TFEC: variants seen among roughly 807,000 people sequenced by gnomAD.
TFEC encodes the protein class E basic helix-loop-helix protein 34.
TFEC carries 31 observed loss-of-function variants against 41.6 expected under a neutral mutation model. That is an observed-to-expected ratio of 0.74 (90% CI 0.56 to 1.01). The LOEUF is 1.01. Ranked by LOEUF, TFEC falls within the 50% of genes least tolerant of loss-of-function variation. The pLI is 0.00. For missense variants in TFEC, 402 were observed against 404.1 expected (o/e 0.99, Z 0.04); for synonymous variants, 143 against 140.6 (o/e 1.02, Z -0.12).
chr7:116,047,971 A>T (rs551092328), intron 3 of TFEC, among the ~76,000 whole-genome samples: 4 of 152,148 alleles, frequency 2.6e-5, no homozygotes, highest in Non-Finnish European at 5.9e-5. Flanking sequence ...CCGCACCAAA[A>T]CCCCATCAGT....
intron 1 of TFEC, 96 bp from the exon 2 acceptor site, chr7:115,984,609 C>T: frequency 2.9e-6 from 4 of 1,387,482 alleles, no homozygotes; most frequent in Non-Finnish European, 3.9e-6. Context: ...AAACACACTA[C>T]ACTATAGCAT....
At chr7:116,141,320 TAATA>T (rs1166306542) in intron 1 of TFEC, among the ~76,000 whole-genome samples, 4 of 148,042 alleles carry the variant, frequency 2.7e-5, no homozygotes, top group Middle Eastern at 3.4e-3. Context: ...ATGTCATAAA[TAATA>T]AATAATCTTT....
intron 3 of TFEC, among the ~76,000 whole-genome samples, chr7:116,103,398 A>C (rs536877730): frequency 1.3e-5 from 2 of 152,312 alleles, no homozygotes; most frequent in Non-Finnish European, 2.9e-5. Context: ...GGTCTCAAAA[A>C]AGTTGTGAAA....
upstream of TFEC, among the ~76,000 whole-genome samples, chr7:116,032,074 T>C (rs1437068975): frequency 1.3e-5 from 2 of 152,174 alleles, no homozygotes; most frequent in East Asian, 1.9e-4. Context: ...ATGAAATACA[T>C]TTGCGAGCTT....
intron 1 of TFEC, among the ~76,000 whole-genome samples, chr7:116,147,954 C>G (rs920643876): frequency 1.3e-5 from 2 of 152,016 alleles, no homozygotes; most frequent in Admixed American, 6.6e-5. Context: ...AATAATAACT[C>G]TAATAAATAA....
At chr7:115,954,217 AC>A in intron 5 of TFEC, among the ~76,000 whole-genome samples, 1 of 152,104 alleles carries the variant, frequency 6.6e-6, no homozygotes, top group East Asian at 1.9e-4. Context: ...AAAAATGAGA[AC>A]CTGGAGTTAT....
intron 1 of TFEC, among the ~76,000 whole-genome samples, chr7:116,000,614 T>A (rs1794554209): frequency 6.6e-6 from 1 of 152,094 alleles, no homozygotes; most frequent in Non-Finnish European, 1.5e-5. Context: ...AGAATCAACA[T>A]ACAAAAATCA....
chr7:115,937,400 G>T lies in TFEC; in HGVS notation c.*3151C>A, dbSNP rs1265848397. ...TCTCATTTCTGCAAGAAATATTCTAGAGAGTCAAATTTTTCTAGAAGTCTA... is the reference window on the plus strand; with the variant it reads ...TCTCATTTCTGCAAGAAATATTCTATAGAGTCAAATTTTTCTAGAAGTCTA... On this transcript the variant is annotated 3_prime_UTR_variant, in exon 8 of 8. Coordinates refer to ENST00000265440, the MANE Select transcript of TFEC (RefSeq NM_012252.4). The T allele has an allele frequency of 1.3e-5, 2 of 151,632 alleles. No individual in the cohort carries two copies. Among genetic ancestry groups the T allele is most frequent in the Non-Finnish European group, 3.0e-5 (2 of 67,702 alleles). 9.4% of individuals were successfully genotyped at this position (151,632 alleles called of 1,614,324 possible). A position where few individuals can be genotyped will look rare whatever the true frequency, so the allele number is the denominator to read the frequency against.
At position 116,064,801 on chromosome 7, in the gene TFEC, A is replaced by G. The variant is rs141232175; in HGVS notation, c.198+45907T>C. On this transcript the variant is annotated intron_variant, in intron 3 of 8. Transcript: ENST00000484212. The stretch of plus-strand genomic sequence containing the variant: ...AAGAAAGCACCATGGAAAATCAAGG[A>G]GTTCTGGGCCTTAAAGCAAAAAAGT... 2.8e-3 allele frequency among the ~76,000 whole-genome samples: 429 copies of G among 152,310 alleles called. 8 individuals are homozygous for G. Among genetic ancestry groups the G allele is most frequent in the Admixed American group, 0.026 (398 of 15,282 alleles).
At chr7:116,140,135 T>C (rs556944419) in intron 1 of TFEC, among the ~76,000 whole-genome samples, 15 of 152,192 alleles carry the variant, frequency 9.9e-5, no homozygotes, top group Non-Finnish European at 2.1e-4. Context: ...AATCCATTCA[T>C]TGGCTATTAA....
At position 115,940,673 on chromosome 7, in the gene TFEC, G is replaced by A. The variant is rs1370536704; in HGVS notation, c.922C>T (p.Leu308=). The A allele has an allele frequency of 1.9e-6, 3 of 1,613,556 alleles. No individual in the cohort carries two copies. Among genetic ancestry groups the A allele is most frequent in the Non-Finnish European group, 2.5e-6 (3 of 1,179,644 alleles). Residue 308 remains leucine, a synonymous_variant, in exon 8 of 8, where the codon CTA becomes TTA. Coordinates refer to ENST00000265440, the MANE Select transcript of TFEC (RefSeq NM_012252.4). The part of the protein sequence containing the change: ...LKEEQRLDGM[L]LDDTISPFGT... Reference sequence around the variant, plus strand: ...AATGGAGAGATTGTGTCATCCAATAGCATGCCATCCAATCTTTGTTCCTCT... The same window carrying A: ...AATGGAGAGATTGTGTCATCCAATAACATGCCATCCAATCTTTGTTCCTCT...
chr7:116,148,743 C>T (rs1260648763), intron 1 of TFEC, among the ~76,000 whole-genome samples: 1 of 152,124 alleles, frequency 6.6e-6, no homozygotes, highest in Non-Finnish European at 1.5e-5. Flanking sequence ...ATCTATTAGA[C>T]ATCAGTGTGT....
At position 115,956,724 on chromosome 7, in the gene TFEC, T is replaced by A. The variant is rs1475254653; in HGVS notation, c.337A>T (p.Ser113Cys). ...GISPINMGLT[S>C]ASCPSSLPMK... ...GGTAGACTACTTGGACAAGAAGCAC[T>A]TGTAAGCCCCATGTTAATTGGTGAA... The change falls in exon 4 of 8, where the codon AGT becomes TGT. Residue 113 changes from serine to cysteine, a missense_variant. Physicochemically the swap from Ser to Cys is moderately radical, Grantham distance 112. Transcript: ENST00000265440. 2 of 1,610,684 alleles carry A rather than the reference T, an allele frequency of 1.2e-6. No homozygotes were observed. The highest frequency in any genetic ancestry group is 2.2e-5 in the East Asian group (1 of 44,680).
intron 1 of TFEC, among the ~76,000 whole-genome samples, chr7:116,114,121 G>C (rs183723577): frequency 1.3e-5 from 2 of 152,122 alleles, no homozygotes; most frequent in East Asian, 3.9e-4. Context: ...ATAGTAATTT[G>C]ATACTTTAAA....
upstream of TFEC, among the ~76,000 whole-genome samples, chr7:116,034,235 T>C (rs1795855936): frequency 6.6e-6 from 1 of 152,096 alleles, no homozygotes; most frequent in Non-Finnish European, 1.5e-5. Flanking sequence ...CCTAGCTATA[T>C]TCATTACCTT....
chr7:116,153,799 A>C (rs991451179), intron 1 of TFEC, among the ~76,000 whole-genome samples: 2 of 152,190 alleles, frequency 1.3e-5, no homozygotes, highest in African/African-American at 4.8e-5. Context: ...AAAGTTAAAG[A>C]AACAGCAACA....
At chr7:116,112,405 C>A (rs1797874958) in intron 1 of TFEC, among the ~76,000 whole-genome samples, 1 of 152,012 alleles carries the variant, frequency 6.6e-6, no homozygotes, top group Admixed American at 6.6e-5. Context: ...CTCCCTTCAA[C>A]TAGAATATAA....
At chr7:116,031,913 G>A (rs1404247), upstream of TFEC, among the ~76,000 whole-genome samples, 103,007 of 151,924 alleles carry the variant, frequency 0.68, 35,756 homozygotes, top group African/African-American at 0.83. Flanking sequence ...ATTTATTTAG[G>A]TTAGTATTAG....
chr7:115,968,197 T>C, intron 3 of TFEC: 1 of 1,527,994 alleles, frequency 6.5e-7, no homozygotes, highest in Non-Finnish European at 8.8e-7. Context: ...GTTTTAACTT[T>C]GAAGTGTCTA....
Sources: allele counts gnomAD v4.1 joint callset (sites outside exome capture counted in the v4.1 genomes callset), GRCh38; gene constraint gnomAD v4.1.1; transcripts MANE v1.5; gene names NCBI Gene and HGNC (gene_info 2026-07-23, HGNC 2026-07-21).